RABGAP1: variants seen among roughly 807,000 people sequenced by gnomAD.
RABGAP1 encodes the protein RAB GTPase activating protein 1.
Under a neutral mutation model 137.6 loss-of-function variants are expected in RABGAP1, and 23 were observed. The observed-to-expected ratio is 0.17, with a 90% CI of 0.12 to 0.24. RABGAP1 has a LOEUF of 0.24. RABGAP1 is among the 10% of genes least tolerant of loss of function. RABGAP1 has a pLI of 1.00. For synonymous variants in RABGAP1, 451 were observed against 450.7 expected, an observed-to-expected ratio of 1.00 and a Z score of -0.01; for missense variants, 906 against 1,275.8, an observed-to-expected ratio of 0.71 and a Z score of 4.42.
At chr9:122,946,257 T>C (rs2131586424) in intron 1 of RABGAP1, among the ~76,000 whole-genome samples, 1 of 152,336 alleles carries the variant, frequency 6.6e-6, no homozygotes, top group Admixed American at 6.5e-5. Flanking sequence ...GCATTTATCT[T>C]AGACTTTGAT....
chr9:123,033,768 AGTAAATTCT>A (rs1161142668), intron 13 of RABGAP1: 1 of 152,276 alleles, frequency 6.6e-6, no homozygotes, highest in Non-Finnish European at 1.5e-5. Flanking sequence ...TGAACTAAAC[AGTAAATTCT>A]GTTGAAATGT....
intron 13 of RABGAP1, among the ~76,000 whole-genome samples, chr9:123,029,105 A>G (rs925339300): frequency 6.6e-6 from 1 of 152,140 alleles, no homozygotes; most frequent in African/African-American, 2.4e-5. Flanking sequence ...TGTAGTGGCA[A>G]AGGGATGGGG....
chr9:123,080,551 T>G (rs1352087212), intron 19 of RABGAP1, among the ~76,000 whole-genome samples: 2 of 152,180 alleles, frequency 1.3e-5, no homozygotes, highest in East Asian at 3.8e-4. Context: ...TAGTTGAACC[T>G]GTTATGGGCA....
intron 1 of RABGAP1, among the ~76,000 whole-genome samples, chr9:122,943,780 C>G (rs1392538847): frequency 6.6e-6 from 1 of 152,022 alleles, no homozygotes; most frequent in Non-Finnish European, 1.5e-5. Flanking sequence ...TGTGAAACCC[C>G]GTCTCTACTA....
At chr9:123,052,371 A>C (rs2033520244) in intron 13 of RABGAP1, among the ~76,000 whole-genome samples, 1 of 152,230 alleles carries the variant, frequency 6.6e-6, no homozygotes, top group East Asian at 1.9e-4. Context: ...AATTATTTTT[A>C]GGTCTGTGAA....
At chr9:123,044,889 A>G (rs550733138) in intron 13 of RABGAP1, among the ~76,000 whole-genome samples, 13 of 152,276 alleles carry the variant, frequency 8.5e-5, no homozygotes, top group Admixed American at 7.2e-4. Flanking sequence ...GAGATTTCGT[A>G]AAGTATCCAG....
intron 1 of RABGAP1, among the ~76,000 whole-genome samples, chr9:122,953,019 T>G (rs562130215): frequency 8.5e-5 from 13 of 152,372 alleles, no homozygotes; most frequent in Middle Eastern, 3.4e-3. Flanking sequence ...ACTATTTTGC[T>G]TTTATTTAGA....
At chr9:123,091,825 G>A (rs1206339979) in intron 21 of RABGAP1, among the ~76,000 whole-genome samples, 1 of 152,080 alleles carries the variant, frequency 6.6e-6, no homozygotes, top group Non-Finnish European at 1.5e-5. Context: ...CTGCTCATCA[G>A]GGTTGAGTTT....
chr9:123,070,068 GAAC>G lies in RABGAP1; in HGVS notation c.1909-273_1909-271del, dbSNP rs1191032541. On this transcript the variant is annotated intron_variant, in intron 14 of 25. Coordinates refer to ENST00000373647, the MANE Select transcript of RABGAP1 (RefSeq NM_012197.4). The surrounding 1 kb of genome is among the most constrained non-coding windows in gnomAD (Gnocchi z 4.4). ...ACATCCCAAGGAGAGGGAACATCAT[GAAC>G]AACAACAAGGAAATACGAAGTTTTT... Among the ~76,000 whole-genome samples the G allele has an allele frequency of 2.0e-5, 3 of 152,176 alleles. No individual in the cohort carries two copies. The highest frequency in any genetic ancestry group is 4.4e-5 in the Non-Finnish European group (3 of 68,036).
Position 123,015,557 on chromosome 9 carries a change from C to A in RABGAP1, c.1564C>A (p.Leu522Ile). The change falls in exon 12 of 26, where the codon CTC becomes ATC. Residue 522 changes from leucine to isoleucine, a missense_variant. This residue lies in a region of RABGAP1 where 212 missense variants were observed against 289.4 expected (regional missense o/e 0.73). Transcript: ENST00000373647. Reference protein sequence around the residue: ...DDEEEDNDEPLLSGSGDVSKE... With the variant: ...DDEEEDNDEPILSGSGDVSKE... The stretch of plus-strand genomic sequence containing the variant: ...GTTTATTATAGATAATGATGAACCT[C>A]TCCTGAGTGGATCTGGTGATGTATC... 2.5e-6 allele frequency: 4 copies of A among 1,610,482 alleles called. No homozygotes were observed. The highest frequency in any genetic ancestry group is 3.4e-6 in the Non-Finnish European group (4 of 1,177,312).
In RABGAP1 at chr9:123,020,311, A is replaced by G; in HGVS notation, c.1646A>G (p.His549Arg). The change falls in exon 13 of 26, where the codon CAT becomes CGT. Residue 549 changes from histidine (H) to arginine (R), a missense_variant and splice_region_variant. His to Arg is a conservative substitution (Grantham distance 29). Coordinates refer to ENST00000373647, the MANE Select transcript of RABGAP1 (RefSeq NM_012197.4). ...ETWGELLSKW[H>R]LNLNVRPKQL... ...ATGGTTTATGGCCTTATTTTTAGGC[A>G]TCTCAACTTGAATGTGAGACCGAAG... 4 of 1,539,418 alleles carry G rather than the reference A, an allele frequency of 2.6e-6. No individual in the cohort carries two copies. The highest frequency in any genetic ancestry group is 3.5e-6 in the Non-Finnish European group (4 of 1,136,568).
At chr9:122,992,542 C>G (rs1402307092) in intron 6 of RABGAP1, among the ~76,000 whole-genome samples, 2 of 151,940 alleles carry the variant, frequency 1.3e-5, no homozygotes, top group African/African-American at 4.8e-5. Flanking sequence ...CCTGGATGGT[C>G]AGATTTGCTT....
intron 11 of RABGAP1, 41 bp downstream of exon 11, chr9:123,010,569 A>C (rs1225280199): frequency 3.9e-6 from 6 of 1,550,062 alleles, no homozygotes; most frequent in Non-Finnish European, 2.7e-6. Flanking sequence ...TGGGGGTGGA[A>C]GACCATGCAA....
At chr9:123,007,276 T>C (rs555311343) in intron 10 of RABGAP1, among the ~76,000 whole-genome samples, 2 of 151,984 alleles carry the variant, frequency 1.3e-5, no homozygotes, top group Admixed American at 1.3e-4. Context: ...GCTTTCATCA[T>C]GTTGGCCAGG....
intron 2 of RABGAP1, among the ~76,000 whole-genome samples, chr9:122,981,878 G>A (rs550908373): frequency 6.6e-4 from 101 of 152,234 alleles, no homozygotes; most frequent in Middle Eastern, 3.4e-3. Context: ...GCAAAACGCC[G>A]TCTCTACTAA....
At chr9:123,063,633 A>G (rs1484074597) in intron 13 of RABGAP1, among the ~76,000 whole-genome samples, 4 of 152,244 alleles carry the variant, frequency 2.6e-5, no homozygotes, top group Non-Finnish European at 5.9e-5. Flanking sequence ...GAGGGCTAGT[A>G]ATGTTGACAT....
At position 123,015,741 on chromosome 9, in the gene RABGAP1, C is replaced by T. The variant is rs368476675; in HGVS notation, c.1643+105C>T. On this transcript the variant is annotated intron_variant, in intron 12 of 25. Transcript: ENST00000373647. Reference sequence around the variant, plus strand: ...TTGGAACCAGTAGTAGAAACCTAAGCGCAATGTTTGCATTCTGTGATCTAT... The same window carrying T: ...TTGGAACCAGTAGTAGAAACCTAAGTGCAATGTTTGCATTCTGTGATCTAT... 8.4e-4 allele frequency: 553 copies of T among 661,458 alleles called. 8 individuals are homozygous for T. In the South Asian group the frequency reaches 0.011, roughly 13 times the overall value. 41.0% of individuals were successfully genotyped at this position (661,458 alleles called of 1,614,324 possible).
intron 13 of RABGAP1, among the ~76,000 whole-genome samples, chr9:123,045,197 T>C (rs908965155): frequency 1.3e-5 from 2 of 152,220 alleles, no homozygotes; most frequent in African/African-American, 4.8e-5. Context: ...GGCAATATTT[T>C]GGGGAGAAAG....
At chr9:123,098,102 G>T (rs183661576) in intron 22 of RABGAP1, among the ~76,000 whole-genome samples, 14 of 152,360 alleles carry the variant, frequency 9.2e-5, no homozygotes, top group Non-Finnish European at 1.6e-4. Context: ...CAAAGAAGAG[G>T]GGGTAGAATT....
Sources: allele counts gnomAD v4.1 joint callset (sites outside exome capture counted in the v4.1 genomes callset), GRCh38; gene constraint gnomAD v4.1.1; regional missense constraint gnomAD v4.1.1; non-coding constraint Gnocchi (gnomAD v3.1); transcripts MANE v1.5; gene names NCBI Gene and HGNC (gene_info 2026-07-23, HGNC 2026-07-21).